The following DOC2B variants were observed in gnomAD, a reference collection of about 807,000 sequenced individuals.
The protein encoded by DOC2B is double C2-like domain-containing protein beta.
DOC2B carries 21 observed loss-of-function variants against 28.9 expected under a neutral mutation model. The observed-to-expected ratio is 0.73, with a 90% CI of 0.52 to 1.05. The LOEUF is 1.05. Among genes scored for constraint, DOC2B ranks in the 50% least tolerant of loss-of-function variants. The pLI, the probability that DOC2B is intolerant of heterozygous loss-of-function variation, is 0.00. For synonymous variants in DOC2B, 194 were observed against 178.1 expected (o/e 1.09, Z -0.71); for missense variants, 384 against 421.1 (o/e 0.91, Z 0.77).
At position 143,642 on chromosome 17, in the gene DOC2B, C is replaced by T. The variant is rs928527362; in HGVS notation, c.*3799G>A. ...GGACTTACAGGCGTGAGCCACCGCC[C>T]CCACCCCTTCAAATCTATTAAAAGG... On this transcript the variant is annotated 3_prime_UTR_variant, in exon 9 of 9. Coordinates refer to ENST00000613549, the MANE Select transcript of DOC2B (RefSeq NM_003585.5). 13 of 152,192 alleles carry T rather than the reference C, an allele frequency of 8.5e-5. No individual in the cohort carries two copies. Among genetic ancestry groups the T allele is most frequent in the African/African-American group, 2.7e-4 (11 of 41,428 alleles). The allele number at this position is 152,192 out of a possible 1,614,324, so 9.4% of individuals were successfully genotyped here.
intron 2 of DOC2B, among the ~76,000 whole-genome samples, chr17:169,879 C>A (rs2040291818): frequency 6.6e-6 from 1 of 152,198 alleles, no homozygotes; most frequent in Non-Finnish European, 1.5e-5. Flanking sequence ...CTGGGCCTCC[C>A]ACCCCCACTT....
At chr17:175,947 T>G (rs1314901250) in intron 1 of DOC2B, among the ~76,000 whole-genome samples, 2 of 152,258 alleles carry the variant, frequency 1.3e-5, no homozygotes, top group East Asian at 3.8e-4. Context: ...ACTGATGAAT[T>G]TCTTTGAACT....
In DOC2B at chr17:143,406, T is replaced by C. The variant is rs2039997848; in HGVS notation, c.*4035A>G. 1 of 145,382 alleles carries C rather than the reference T, an allele frequency of 6.9e-6. No individual in the cohort carries two copies. Among genetic ancestry groups the C allele is most frequent in the African/African-American group, 2.6e-5 (1 of 38,722 alleles). 9.0% of individuals were successfully genotyped at this position (145,382 alleles called of 1,614,324 possible). On this transcript the variant is annotated 3_prime_UTR_variant, in exon 9 of 9. Coordinates refer to ENST00000613549, the MANE Select transcript of DOC2B (RefSeq NM_003585.5). ...GTGCGGTGGCGTGATCTCGGCTCAC[T>C]GCAATCCCCACTTTCCAGGCTCAAG... is the stretch of plus-strand genomic sequence containing the variant.
Position 181,174 on chromosome 17 carries a change from G to A in DOC2B, c.306C>T (p.Pro102=), listed in dbSNP as rs1286895061. The A allele has an allele frequency of 1.6e-5, 20 of 1,251,462 alleles. No individual in the cohort carries two copies. Among genetic ancestry groups the A allele is most frequent in the Non-Finnish European group, 1.8e-5 (18 of 999,132 alleles). The allele number at this position is 1,251,462 out of a possible 1,614,324, so 77.5% of individuals were successfully genotyped here. Residue 102 remains proline, a synonymous_variant, in exon 1 of 9, where the codon CCC becomes CCT. Transcript: ENST00000613549. This position sits in a 1 kb window ranked among gnomAD's most constrained non-coding sequence, Gnocchi z 7.0. ...SSPGPSPGPS[P]ARPPAKPPED... ...CCGGCGGCTTGGCTGGCGGCCGCGCGGGGCTGGGACCCGGGCTGGGGCCCG... is the reference window on the plus strand; with the variant it reads ...CCGGCGGCTTGGCTGGCGGCCGCGCAGGGCTGGGACCCGGGCTGGGGCCCG...
rs571200584 is a variant in DOC2B at position 170,348 on chromosome 17, T to A, written c.453+2189A>T. Among the ~76,000 whole-genome samples, 7 of 152,236 alleles carry A rather than the reference T, an allele frequency of 4.6e-5. No homozygotes were observed. In the South Asian group the frequency reaches 1.4e-3, roughly 32 times the overall value. The stretch of plus-strand genomic sequence containing the variant: ...CCCTACCAGGGCCCTGAGGCTTGCG[T>A]GGATGGCACTCACACCTACCCATGG... On this transcript the variant is annotated intron_variant, in intron 2 of 8. Transcript: ENST00000613549.
intron 1 of DOC2B, 40 bp from the exon 2 acceptor site, chr17:172,656 T>C: frequency 6.6e-7 from 1 of 1,509,344 alleles, no homozygotes; most frequent in Non-Finnish European, 9.0e-7. Flanking sequence ...CCTGGCCGCA[T>C]CTTGGAGAGG....
At chr17:155,181 G>A (rs1053462596) in intron 6 of DOC2B, among the ~76,000 whole-genome samples, 4 of 152,034 alleles carry the variant, frequency 2.6e-5, no homozygotes, top group African/African-American at 7.3e-5. Flanking sequence ...TTATAGAGAT[G>A]GAGGTCTCAC....
rs2040002528 is a variant in DOC2B at position 144,071 on chromosome 17, CGGCGGGCGGG to C, written c.*3360_*3369del. 3 of 1,490 alleles carry C rather than the reference CGGCGGGCGGG, an allele frequency of 2.0e-3. No homozygotes were observed. The highest frequency in any genetic ancestry group is 4.6e-3 in the African/African-American group (3 of 646). The allele number at this position is 1,490 out of a possible 1,614,324, so 0.1% of individuals were successfully genotyped here. A position where few individuals can be genotyped will look rare whatever the true frequency, so the allele number is the denominator to read the frequency against. On this transcript the variant is annotated 3_prime_UTR_variant, in exon 9 of 9. Transcript: ENST00000613549. Reference sequence around the variant, plus strand: ...CGGGCCCGTCGGGGATTGGCGCAGGCGGCGGGCGGGGCGGCGGGCGGGGCGGCGGGCGGGG... The same window carrying C: ...CGGGCCCGTCGGGGATTGGCGCAGGCGCGGCGGGCGGGGCGGCGGGCGGGG...
intron 2 of DOC2B, among the ~76,000 whole-genome samples, chr17:170,114 G>A (rs749829785): frequency 2.0e-5 from 3 of 152,190 alleles, no homozygotes; most frequent in Non-Finnish European, 4.4e-5. Context: ...CCCCAGGCCT[G>A]GACCACCTCT....
At position 149,110 on chromosome 17, in the gene DOC2B, C is replaced by T. The variant is rs1369956820; in HGVS notation, c.1005+1G>A. ...CATGAAGCTTCACCAGCCCCTCATA[C>T]CTCATTAAACTCCGGGTTCAGGGTT... On this transcript the variant is annotated splice_donor_variant, in intron 7 of 8. Coordinates refer to ENST00000613549, the MANE Select transcript of DOC2B (RefSeq NM_003585.5). LOFTEE classifies it high-confidence loss of function. The T allele has an allele frequency of 5.0e-6, 2 of 399,440 alleles. No individual in the cohort carries two copies. The highest frequency in any genetic ancestry group is 8.8e-6 in the Non-Finnish European group (2 of 226,278). 24.7% of individuals were successfully genotyped at this position (399,440 alleles called of 1,614,324 possible).
At chr17:156,513 T>G in intron 5 of DOC2B, 136 bp from the exon 6 acceptor site, 1 of 908,662 alleles carries the variant, frequency 1.1e-6, no homozygotes, top group Non-Finnish European at 1.6e-6. Flanking sequence ...GTGGCCTCAC[T>G]GTGAACTCAC....
chr17:174,361 T>C (rs1310377987), intron 1 of DOC2B, among the ~76,000 whole-genome samples: 5 of 152,206 alleles, frequency 3.3e-5, no homozygotes, highest in African/African-American at 9.6e-5. Context: ...CACAGCACAG[T>C]GTGCCTGCGG....
At chr17:153,700 C>CAAA (rs986649114) in intron 6 of DOC2B, among the ~76,000 whole-genome samples, 1 of 138,178 alleles carries the variant, frequency 7.2e-6, no homozygotes, top group African/African-American at 2.6e-5. Context: ...GACTCTGTCT[C>CAAA]AAAAAAAAAA....
rs2040002923 is a variant in DOC2B, at chr17:144,094, GC to G, written c.*3346del. ...GGCGGCGGGCGGGGCGGCGGGCGGGGCGGCGGGCGGGGCGGCGCTGGAGGCA... is the reference window on the plus strand; with the variant it reads ...GGCGGCGGGCGGGGCGGCGGGCGGGGGGCGGGCGGGGCGGCGCTGGAGGCA... On this transcript the variant is annotated 3_prime_UTR_variant, in exon 9 of 9. Coordinates refer to ENST00000613549, the MANE Select transcript of DOC2B (RefSeq NM_003585.5). The G allele has an allele frequency of 6.6e-6, 1 of 151,586 alleles. No individual in the cohort carries two copies. Among genetic ancestry groups the G allele is most frequent in the Non-Finnish European group, 1.5e-5 (1 of 67,664 alleles). 9.4% of individuals were successfully genotyped at this position (151,586 alleles called of 1,614,324 possible). A position where few individuals can be genotyped will look rare whatever the true frequency, so the allele number is the denominator to read the frequency against.
chr17:177,028 A>AT (rs5818738), intron 1 of DOC2B, among the ~76,000 whole-genome samples: 6,036 of 131,044 alleles, frequency 0.046, 166 homozygotes, highest in Middle Eastern at 0.07. Flanking sequence ...ATCTGCCCTG[A>AT]TTTTTTTTTT....
chr17:145,920 G>A lies in DOC2B; in HGVS notation c.*1521C>T, dbSNP rs1004404158. 2 of 152,400 alleles carry A rather than the reference G, an allele frequency of 1.3e-5. No individual in the cohort carries two copies. Among genetic ancestry groups the A allele is most frequent in the Non-Finnish European group, 2.9e-5 (2 of 68,152 alleles). 9.4% of individuals were successfully genotyped at this position (152,400 alleles called of 1,614,324 possible). A position where few individuals can be genotyped will look rare whatever the true frequency, so the allele number is the denominator to read the frequency against. On this transcript the variant is annotated 3_prime_UTR_variant, in exon 9 of 9. Coordinates refer to ENST00000613549, the MANE Select transcript of DOC2B (RefSeq NM_003585.5). The stretch of plus-strand genomic sequence containing the variant: ...TCTGGGCCTGTTTCCATCACACACT[G>A]ATGGGCTGAGCACACTGGGACTCTG...
chr17:158,256 G>A (rs530617467), intron 5 of DOC2B, among the ~76,000 whole-genome samples: 1 of 151,744 alleles, frequency 6.6e-6, no homozygotes, highest in East Asian at 1.9e-4. Flanking sequence ...CTCTCTCCTA[G>A]GCCCTCAGCC....
At position 145,413 on chromosome 17, in the gene DOC2B, T is replaced by C. The variant is rs1250794150; in HGVS notation, c.*2028A>G. 1 of 152,230 alleles carries C rather than the reference T, an allele frequency of 6.6e-6. No homozygotes were observed. Among genetic ancestry groups the C allele is most frequent in the Non-Finnish European group, 1.5e-5 (1 of 68,062 alleles). The allele number at this position is 152,230 out of a possible 1,614,324, so 9.4% of individuals were successfully genotyped here. Reference sequence around the variant, plus strand: ...AACTACTCAGACTCTGGGAACCTGTTTCACCTGCAAGATGGGGATGAGAAT... The same window carrying C: ...AACTACTCAGACTCTGGGAACCTGTCTCACCTGCAAGATGGGGATGAGAAT... On this transcript the variant is annotated 3_prime_UTR_variant, in exon 9 of 9. Transcript: ENST00000613549.
chr17:144,035 G>A lies in DOC2B; in HGVS notation c.*3406C>T, dbSNP rs2040001924. On this transcript the variant is annotated 3_prime_UTR_variant, in exon 9 of 9. Transcript: ENST00000613549. Reference sequence around the variant, plus strand: ...TAGAGGTCAGGAGGTGACCGCTTCGGGGCTGGAAGACGGGCCCGTCGGGGA... The same window carrying A: ...TAGAGGTCAGGAGGTGACCGCTTCGAGGCTGGAAGACGGGCCCGTCGGGGA... 6.6e-6 allele frequency: 1 copy of A among 150,838 alleles called. No homozygotes were observed. The highest frequency in any genetic ancestry group is 2.5e-5 in the African/African-American group (1 of 40,228). 9.3% of individuals were successfully genotyped at this position (150,838 alleles called of 1,614,324 possible). A position where few individuals can be genotyped will look rare whatever the true frequency, so the allele number is the denominator to read the frequency against.
Sources: gnomAD v4.1 joint callset for allele counts (sites outside exome capture counted in the v4.1 genomes callset) on GRCh38, gnomAD v4.1.1 for gene constraint, Gnocchi (gnomAD v3.1) non-coding constraint, MANE v1.5 for transcripts, NCBI Gene and HGNC (gene_info 2026-07-23, HGNC 2026-07-21) for gene names.